The following DOCK3 variants were observed in gnomAD, a reference collection of about 807,000 sequenced individuals.
DOCK3 encodes the protein dedicator of cytokinesis protein 3.
DOCK3 carries 60 observed loss-of-function variants against 265.6 expected under a neutral mutation model. The observed-to-expected ratio is 0.23, with a 90% CI of 0.18 to 0.28. DOCK3 has a LOEUF of 0.28. DOCK3 is among the 10% of genes least tolerant of loss of function. The pLI, the probability that DOCK3 is intolerant of heterozygous loss-of-function variation, is 1.00. For synonymous variants in DOCK3, 881 were observed against 938.0 expected (o/e 0.94, Z 1.11); for missense variants, 1,981 against 2,594.3 (o/e 0.76, Z 5.14).
In DOCK3 at chr3:51,075,348, T is replaced by C. The variant is rs747893689; in HGVS notation, c.465-8T>C. The C allele has an allele frequency of 1.2e-6, 2 of 1,606,362 alleles. No individual in the cohort carries two copies. The highest frequency in any genetic ancestry group is 1.7e-5 in the Admixed American group (1 of 58,934). ...TGGCATACTGAGTGTGGTCTTTCTC[T>C]TTACTAGACATTTGGGCCTGGACCT... On this transcript the variant is annotated splice_region_variant and splice_polypyrimidine_tract_variant and intron_variant, in intron 6 of 52. Transcript: ENST00000266037.
rs866249011 is a variant in DOCK3 at position 50,948,036 on chromosome 3, T to C, written c.315+13959T>C. 4.1e-3 allele frequency among the ~76,000 whole-genome samples: 578 copies of C among 141,590 alleles called. 17 individuals carry two copies. Among genetic ancestry groups the C allele is most frequent in the South Asian group, 0.037 (160 of 4,326 alleles). 92.9% of individuals were successfully genotyped at this position (141,590 alleles called of 152,430 possible). On this transcript the variant is annotated intron_variant, in intron 5 of 52. Transcript: ENST00000266037. ...ACGCCCAGCTAATTATTATTATTAT[T>C]ATTATTATTATTATTATTATTATTA...
chr3:50,730,992 C>T (rs1408563979), intron 1 of DOCK3, among the ~76,000 whole-genome samples: 3 of 150,380 alleles, frequency 2.0e-5, no homozygotes, highest in Admixed American at 6.6e-5. Flanking sequence ...ATTAGCTGGG[C>T]GTGGTGGTGG....
intron 5 of DOCK3, among the ~76,000 whole-genome samples, chr3:50,984,435 A>G (rs541025069): frequency 1.8e-4 from 27 of 152,088 alleles, no homozygotes; most frequent in African/African-American, 6.0e-4. Flanking sequence ...AGTTCCCTCA[A>G]TTTTTGCTTG....
chr3:51,193,171 A>G (rs927688817), intron 12 of DOCK3, among the ~76,000 whole-genome samples: 2 of 152,156 alleles, frequency 1.3e-5, no homozygotes, highest in Non-Finnish European at 2.9e-5. Context: ...TTGTCTAGAT[A>G]ATAATATGAT....
chr3:51,094,852 T>G (rs1177303232), intron 9 of DOCK3, among the ~76,000 whole-genome samples: 2 of 151,914 alleles, frequency 1.3e-5, no homozygotes, highest in Admixed American at 6.6e-5. Flanking sequence ...TGGGTGCTCC[T>G]GTATTGGGTG....
chr3:51,183,241 A>G (rs1257353077), intron 12 of DOCK3, among the ~76,000 whole-genome samples: 4 of 152,252 alleles, frequency 2.6e-5, no homozygotes, highest in Admixed American at 6.5e-5. Flanking sequence ...TGAAAGTATA[A>G]ACATTTTCAT....
At chr3:50,966,805 A>G (rs759125434) in intron 5 of DOCK3, among the ~76,000 whole-genome samples, 21 of 152,100 alleles carry the variant, frequency 1.4e-4, no homozygotes, top group Non-Finnish European at 2.5e-4. Flanking sequence ...GGGATGACCA[A>G]CTTGCCTGAA....
intron 1 of DOCK3, among the ~76,000 whole-genome samples, chr3:50,766,457 C>G (rs1346728720): frequency 6.6e-6 from 1 of 151,986 alleles, no homozygotes; most frequent in Non-Finnish European, 1.5e-5. Flanking sequence ...TGAACTCATC[C>G]TTTTTTATGG....
chr3:50,981,849 TTTTA>T (rs1168477849), intron 5 of DOCK3, among the ~76,000 whole-genome samples: 1 of 152,070 alleles, frequency 6.6e-6, no homozygotes, highest in Non-Finnish European at 1.5e-5. Context: ...TTTTTATTTA[TTTTA>T]TTTATTTTAT....
In DOCK3 at chr3:51,315,060, A is replaced by G; in HGVS notation, c.3334A>G (p.Asn1112Asp). 1 of 1,612,958 alleles carries G rather than the reference A, an allele frequency of 6.2e-7. No individual in the cohort carries two copies. Among genetic ancestry groups the G allele is most frequent in the Non-Finnish European group, 8.5e-7 (1 of 1,179,322 alleles). The stretch of plus-strand genomic sequence containing the variant: ...ACTGGTCCCACAGCCAGAAGTACGG[A>G]ATATCATGATTCCCATCTTTCATGA... ...VTLVPQPEVR[N>D]IMIPIFHDMM... The change falls in exon 32 of 53, where the codon AAT becomes GAT. Residue 1112 changes from asparagine (N) to aspartate (D), a missense_variant. Around this residue, in one of 4 missense-constraint regions of DOCK3, gnomAD observed 1,357 missense variants for 1,866.8 expected, o/e 0.73. Coordinates refer to ENST00000266037, the MANE Select transcript of DOCK3 (RefSeq NM_004947.5).
chr3:51,214,650 G>A (rs1382488691), intron 14 of DOCK3, among the ~76,000 whole-genome samples: 1 of 152,202 alleles, frequency 6.6e-6, no homozygotes, highest in Non-Finnish European at 1.5e-5. Flanking sequence ...ATATATGCCT[G>A]TAGTATCAGT....
rs897081600 is a variant in DOCK3, at chr3:50,888,214, T to C, written c.163-1812T>C. On this transcript the variant is annotated intron_variant, in intron 3 of 52. Transcript: ENST00000266037. ...AATCACAAGCATTCTTATACACCAA[T>C]AACAGACAAACAGAGAGCCAAATCA... is the stretch of plus-strand genomic sequence containing the variant. 3.3e-5 allele frequency among the ~76,000 whole-genome samples: 5 copies of C among 152,014 alleles called. No homozygotes were observed. The South Asian group carries it at 6.2e-4, about 19-fold the overall frequency.
At chr3:50,691,810 T>C (rs1279520569) in intron 1 of DOCK3, among the ~76,000 whole-genome samples, 1 of 152,180 alleles carries the variant, frequency 6.6e-6, no homozygotes, top group Non-Finnish European at 1.5e-5. Flanking sequence ...CCCTAATGAT[T>C]AGTGATGTTG....
intron 19 of DOCK3, among the ~76,000 whole-genome samples, chr3:51,231,269 C>G (rs1373236285): frequency 6.6e-6 from 1 of 151,704 alleles, no homozygotes; most frequent in Non-Finnish European, 1.5e-5. Flanking sequence ...GCTGGTATTA[C>G]AGGCATGTGC....
At chr3:51,175,209 G>C (rs1012842143) in intron 12 of DOCK3, among the ~76,000 whole-genome samples, 1 of 152,176 alleles carries the variant, frequency 6.6e-6, no homozygotes, top group African/African-American at 2.4e-5. Flanking sequence ...TGGGTCCCTG[G>C]GTGGGCGGGA....
intron 14 of DOCK3, among the ~76,000 whole-genome samples, chr3:51,220,664 A>AT (rs1471221816): frequency 7.0e-5 from 7 of 99,942 alleles, no homozygotes; most frequent in African/African-American, 1.2e-4. Context: ...CTCAAAAAAA[A>AT]AAAAAAATAT....
chr3:51,100,430 T>C (rs976149111), intron 9 of DOCK3, among the ~76,000 whole-genome samples: 3 of 152,188 alleles, frequency 2.0e-5, no homozygotes, highest in African/African-American at 7.2e-5. Context: ...CTGGGGCAAG[T>C]ATGGCCACCA....
At chr3:51,284,219 A>T (rs1018161789) in intron 27 of DOCK3, among the ~76,000 whole-genome samples, 12 of 152,150 alleles carry the variant, frequency 7.9e-5, no homozygotes, top group African/African-American at 2.7e-4. Flanking sequence ...GAGAAGCTGC[A>T]TATATATGAG....
At chr3:51,252,217 C>G (rs1009168811) in intron 22 of DOCK3, among the ~76,000 whole-genome samples, 15 of 152,158 alleles carry the variant, frequency 9.9e-5, no homozygotes, top group Non-Finnish European at 7.3e-5. Context: ...TTCCATTGGT[C>G]TGTATCTCTG....
Sources: allele counts gnomAD v4.1 joint callset (sites outside exome capture counted in the v4.1 genomes callset), GRCh38; gene constraint gnomAD v4.1.1; regional missense constraint gnomAD v4.1.1; transcripts MANE v1.5; gene names NCBI Gene and HGNC (gene_info 2026-07-23, HGNC 2026-07-21).